CERS6: variants seen among roughly 807,000 people sequenced by gnomAD.
CERS6 encodes the protein LAG1 homolog, ceramide synthase 6.
Under a neutral mutation model 56.8 loss-of-function variants are expected in CERS6, and 26 were observed. The observed-to-expected ratio is 0.46, with a 90% CI of 0.34 to 0.63. CERS6 has a LOEUF of 0.63. Among genes scored for constraint, CERS6 ranks in the 30% least tolerant of loss-of-function variants. CERS6 has a pLI of 0.01. For missense variants in CERS6, 415 were observed against 467.5 expected (o/e 0.89, Z 1.04); for synonymous variants, 164 against 173.3 (o/e 0.95, Z 0.42).
intron 1 of CERS6, among the ~76,000 whole-genome samples, chr2:168,459,935 T>C (rs898645143): frequency 3.9e-5 from 6 of 152,214 alleles, no homozygotes; most frequent in Admixed American, 3.9e-4. Flanking sequence ...GTTACAAATG[T>C]TAACTTTAAT....
chr2:168,674,367 G>A (rs1211687690), intron 4 of CERS6, among the ~76,000 whole-genome samples: 1 of 152,126 alleles, frequency 6.6e-6, no homozygotes, highest in Non-Finnish European at 1.5e-5. Context: ...GCTAAGGATT[G>A]TCTAATTAAA....
chr2:168,746,398 T>G (rs1684096614), intron 8 of CERS6, among the ~76,000 whole-genome samples: 1 of 152,152 alleles, frequency 6.6e-6, no homozygotes, highest in Non-Finnish European at 1.5e-5. Context: ...CCCTTGATCA[T>G]GCAAGAAGAT....
intron 8 of CERS6, among the ~76,000 whole-genome samples, chr2:168,726,911 T>C (rs1683369229): frequency 6.6e-6 from 1 of 152,246 alleles, no homozygotes; most frequent in Admixed American, 6.5e-5. Context: ...AGGCTTAAAC[T>C]GTCTCATTTT....
chr2:168,520,623 T>TTTTTTTTTTTTTTTTTTTA (rs1694961086), intron 1 of CERS6, among the ~76,000 whole-genome samples: 1 of 131,724 alleles, frequency 7.6e-6, no homozygotes, highest in African/African-American at 3.0e-5. Flanking sequence ...TTTTTTTTTT[T>TTTTTTTTTTTTTTTTTTTA]TTTTGAGAAG....
intron 8 of CERS6, among the ~76,000 whole-genome samples, chr2:168,736,095 G>T (rs1364007857): frequency 6.6e-6 from 1 of 151,930 alleles, no homozygotes; most frequent in East Asian, 1.9e-4. Context: ...TTTTGATTTG[G>T]TATTAATTTA....
intron 6 of CERS6, among the ~76,000 whole-genome samples, chr2:168,702,695 G>A (rs901689920): frequency 2.6e-5 from 4 of 152,132 alleles, no homozygotes; most frequent in Admixed American, 2.6e-4. Context: ...ACAGACCAAT[G>A]GATTTTAATG....
At chr2:168,627,023 G>C (rs562756913) in intron 3 of CERS6, among the ~76,000 whole-genome samples, 20 of 152,158 alleles carry the variant, frequency 1.3e-4, no homozygotes, top group Admixed American at 9.2e-4. Context: ...TAAAGACACA[G>C]AGGTAAATTT....
chr2:168,731,971 A>G lies in CERS6; in HGVS notation c.845+13993A>G, dbSNP rs145088834. Among the ~76,000 whole-genome samples the G allele has an allele frequency of 5.3e-4, 81 of 152,362 alleles. 2 individuals are homozygous for G. Among genetic ancestry groups the G allele is most frequent in the African/African-American group, 1.9e-3 (79 of 41,590 alleles). Reference sequence around the variant, plus strand: ...AAATGATCAGAACCCTTTCTTATACATTAAGTCTACAATATATCGGAGAAA... The same window carrying G: ...AAATGATCAGAACCCTTTCTTATACGTTAAGTCTACAATATATCGGAGAAA... On this transcript the variant is annotated intron_variant, in intron 8 of 9. Coordinates refer to ENST00000305747, the MANE Select transcript of CERS6 (RefSeq NM_203463.3).
rs956907681 is a variant in CERS6 at position 168,617,427 on chromosome 2, A to T, written c.408-13558A>T. Among the ~76,000 whole-genome samples, 5 of 152,326 alleles carry T rather than the reference A, an allele frequency of 3.3e-5. No homozygotes were observed. In the South Asian group the frequency reaches 8.3e-4, roughly 25 times the overall value. ...ATTGAAACAAAAAAAATTGCAAAAG[A>T]TAAATGAAATAAAATGTTGGTTATT... On this transcript the variant is annotated intron_variant, in intron 3 of 9. Coordinates refer to ENST00000305747, the MANE Select transcript of CERS6 (RefSeq NM_203463.3).
rs1310497955 is a variant in CERS6 at position 168,657,439 on chromosome 2, C to A, written c.465+26397C>A. Among the ~76,000 whole-genome samples the A allele has an allele frequency of 3.3e-5, 5 of 152,390 alleles. No homozygotes were observed. The East Asian group carries it at 9.7e-4, about 29-fold the overall frequency. ...CTGCCAGTCCTGCGCCATGCGCTCG[C>A]ATTCCTCAGCCCTTGGGTGGTCGAT... On this transcript the variant is annotated intron_variant, in intron 4 of 9. Transcript: ENST00000305747.
chr2:168,710,711 T>C (rs1253815176), intron 6 of CERS6, among the ~76,000 whole-genome samples: 2 of 152,218 alleles, frequency 1.3e-5, no homozygotes, highest in Non-Finnish European at 2.9e-5. Flanking sequence ...TGTCTAACTT[T>C]AATGACTTAA....
At chr2:168,510,533 ACT>A (rs1169001816) in intron 1 of CERS6, among the ~76,000 whole-genome samples, 1 of 152,126 alleles carries the variant, frequency 6.6e-6, no homozygotes, top group African/African-American at 2.4e-5. Flanking sequence ...GTGTGAGTAC[ACT>A]CTGTGTTGTT....
At chr2:168,583,477 TTTGC>T (rs113936204) in intron 3 of CERS6, among the ~76,000 whole-genome samples, 8 of 152,362 alleles carry the variant, frequency 5.3e-5, no homozygotes, top group African/African-American at 1.9e-4. Context: ...TTCTTTTTCA[TTTGC>T]TTTCTCTTTC....
rs139442830 is a variant in CERS6 at position 168,520,645 on chromosome 2, T to A, written c.171-26951T>A. On this transcript the variant is annotated intron_variant, in intron 1 of 9. Coordinates refer to ENST00000305747, the MANE Select transcript of CERS6 (RefSeq NM_203463.3). ...TTTTTTTTGAGAAGCAGTTTCACTC[T>A]GTTGCCTAGGCTGGAGTGCAGTGGT... is the stretch of plus-strand genomic sequence containing the variant. Among the ~76,000 whole-genome samples the A allele has an allele frequency of 3.0e-3, 434 of 143,830 alleles. 4 individuals carry two copies. The highest frequency in any genetic ancestry group is 0.011 in the African/African-American group (403 of 38,108). The allele number at this position is 143,830 out of a possible 152,430, so 94.4% of individuals were successfully genotyped here. A position where few individuals can be genotyped will look rare whatever the true frequency, so the allele number is the denominator to read the frequency against.
chr2:168,605,135 T>C (rs1158864841), intron 3 of CERS6, among the ~76,000 whole-genome samples: 2 of 152,198 alleles, frequency 1.3e-5, no homozygotes, highest in African/African-American at 4.8e-5. Context: ...TGGACAAAGA[T>C]GGCCAAACTG....
intron 2 of CERS6, among the ~76,000 whole-genome samples, chr2:168,558,791 C>T (rs1386553192): frequency 2.6e-5 from 4 of 152,180 alleles, no homozygotes; most frequent in Non-Finnish European, 5.9e-5. Flanking sequence ...ATGGTGTGAA[C>T]CCAGGAGGTG....
intron 8 of CERS6, among the ~76,000 whole-genome samples, chr2:168,746,820 T>TATATATATATATAA (rs1329677014): frequency 1.2e-5 from 1 of 80,048 alleles, no homozygotes; most frequent in Non-Finnish European, 2.5e-5. Flanking sequence ...TATATATATA[T>TATATATATATATAA]AAAATCATCT....
At chr2:168,555,722 C>CTGTA (rs1553491464) in intron 2 of CERS6, among the ~76,000 whole-genome samples, 4 of 141,012 alleles carry the variant, frequency 2.8e-5, no homozygotes, top group African/African-American at 5.5e-5. Flanking sequence ...ATAATTGACT[C>CTGTA]TGTGTGTGTG....
chr2:168,490,458 C>G (rs1694350056), intron 1 of CERS6, among the ~76,000 whole-genome samples: 1 of 152,134 alleles, frequency 6.6e-6, no homozygotes, highest in African/African-American at 2.4e-5. Context: ...CAAAACCAAA[C>G]AAAACAAAAC....
Sources: allele counts gnomAD v4.1 joint callset (sites outside exome capture counted in the v4.1 genomes callset), GRCh38; gene constraint gnomAD v4.1.1; transcripts MANE v1.5; gene names NCBI Gene and HGNC (gene_info 2026-07-23, HGNC 2026-07-21).